Variants in PTPRN2 observed in about 807,000 individuals in gnomAD.
PTPRN2 encodes the protein protein tyrosine phosphatase receptor type N2.
PTPRN2 carries 74 observed loss-of-function variants against 118.8 expected under a neutral mutation model. The observed-to-expected ratio is 0.62, with a 90% confidence interval of 0.52 to 0.76. The LOEUF is 0.76. Ranked by LOEUF, PTPRN2 falls within the 30% of genes least tolerant of loss-of-function variation. The pLI, the probability that PTPRN2 is intolerant of heterozygous loss-of-function variation, is 0.00. For missense variants in PTPRN2, 1,481 were observed against 1,394.4 expected (o/e 1.06, Z -0.99); for synonymous variants, 641 against 608.0 (o/e 1.05, Z -0.80).
In PTPRN2 at chr7:157,766,299, A is replaced by G. The variant is rs116566194; in HGVS notation, c.1789-83362T>C. On this transcript the variant is annotated intron_variant, in intron 12 of 22. Coordinates refer to ENST00000389418, the MANE Select transcript of PTPRN2 (RefSeq NM_002847.5). The stretch of plus-strand genomic sequence containing the variant: ...CCATTCACCCACACATCCATCATCC[A>G]TTCTTCTTACATCCATCCACCCATC... 7.4e-3 allele frequency among the ~76,000 whole-genome samples: 1,093 copies of G among 147,300 alleles called. 14 individuals are homozygous for G. Among genetic ancestry groups the G allele is most frequent in the African/African-American group, 0.026 (1,041 of 39,396 alleles).
chr7:158,292,646 C>G (rs778852698), intron 3 of PTPRN2, among the ~76,000 whole-genome samples: 1 of 152,212 alleles, frequency 6.6e-6, no homozygotes, highest in Non-Finnish European at 1.5e-5. Context: ...GATGGTAAAG[C>G]CCATTGTGCC....
rs771111526 is a variant in PTPRN2, at chr7:157,764,332, G to A, written c.1789-81395C>T. Reference sequence around the variant, plus strand: ...AGCCAAGAGGTGAGGCCACCCAAGCGTCCACCAATGGAAGAAAAGATAAAC... The same window carrying A: ...AGCCAAGAGGTGAGGCCACCCAAGCATCCACCAATGGAAGAAAAGATAAAC... On this transcript the variant is annotated intron_variant, in intron 12 of 22. Coordinates refer to ENST00000389418, the MANE Select transcript of PTPRN2 (RefSeq NM_002847.5). This position sits in a 1 kb window ranked among gnomAD's most constrained non-coding sequence, Gnocchi z 4.5. 3.3e-5 allele frequency among the ~76,000 whole-genome samples: 5 copies of A among 152,198 alleles called. No individual in the cohort carries two copies. The highest frequency in any genetic ancestry group is 7.3e-5 in the Non-Finnish European group (5 of 68,042).
chr7:157,625,541 G>A (rs1335380152), intron 14 of PTPRN2, among the ~76,000 whole-genome samples: 2 of 152,130 alleles, frequency 1.3e-5, no homozygotes, highest in Admixed American at 1.3e-4. Context: ...GGATGCAGAG[G>A]CATAAGAAAG....
chr7:157,546,318 G>T (rs1194788261), intron 22 of PTPRN2, among the ~76,000 whole-genome samples: 1 of 152,162 alleles, frequency 6.6e-6, no homozygotes, highest in Non-Finnish European at 1.5e-5. Flanking sequence ...TGCAGGACGG[G>T]CAGCTTTGTT....
At chr7:158,268,210 G>A (rs769426281) in intron 3 of PTPRN2, among the ~76,000 whole-genome samples, 4 of 152,182 alleles carry the variant, frequency 2.6e-5, no homozygotes, top group Admixed American at 6.5e-5. Flanking sequence ...AGCCGCGGCC[G>A]CACGCACACA....
chr7:157,825,024 G>C (rs1456908593), intron 12 of PTPRN2, among the ~76,000 whole-genome samples: 1 of 152,196 alleles, frequency 6.6e-6, no homozygotes, highest in Non-Finnish European at 1.5e-5. Context: ...CCCATCTCAA[G>C]GCAGCTTGGC....
chr7:157,582,658 G>C (rs560559715), intron 17 of PTPRN2, among the ~76,000 whole-genome samples: 1 of 150,842 alleles, frequency 6.6e-6, no homozygotes, highest in Non-Finnish European at 1.5e-5. Flanking sequence ...GGTGGATCAC[G>C]AGGTCAGGAG....
Position 157,622,220 on chromosome 7 carries a change from C to T in PTPRN2, c.2197-711G>A, listed in dbSNP as rs1731414174. On this transcript the variant is annotated intron_variant, in intron 14 of 22. Transcript: ENST00000389418. This position sits in a 1 kb window ranked among gnomAD's most constrained non-coding sequence, Gnocchi z 5.3. ...TTTCAAAGGACCAAACCCAGCTGCA[C>T]TATGGCACCACAGGAAGTGACGGCC... Among the ~76,000 whole-genome samples, 1 of 152,036 alleles carries T rather than the reference C, an allele frequency of 6.6e-6. No individual in the cohort carries two copies. Among genetic ancestry groups the T allele is most frequent in the Non-Finnish European group, 1.5e-5 (1 of 68,022 alleles).
chr7:157,642,090 C>T (rs934871603), intron 14 of PTPRN2, among the ~76,000 whole-genome samples: 2 of 152,202 alleles, frequency 1.3e-5, no homozygotes, highest in African/African-American at 2.4e-5. Context: ...CTGCCACGCC[C>T]GACACTCCCG....
At chr7:157,993,993 C>T (rs868814388) in intron 11 of PTPRN2, among the ~76,000 whole-genome samples, 13 of 152,190 alleles carry the variant, frequency 8.5e-5, no homozygotes, top group South Asian at 2.1e-4. Context: ...TCAAAATGCA[C>T]GGCTGCAGTT....
In PTPRN2 at chr7:158,578,517, A is replaced by C. The variant is rs550090713; in HGVS notation, c.112+9041T>G. ...GCCACTGCACTCCAGTCTGGGCTACAGAGCCAGACCCTGTCTCTGTAAAAA... is the reference window on the plus strand; with the variant it reads ...GCCACTGCACTCCAGTCTGGGCTACCGAGCCAGACCCTGTCTCTGTAAAAA... On this transcript the variant is annotated intron_variant, in intron 1 of 22. Coordinates refer to ENST00000389418, the MANE Select transcript of PTPRN2 (RefSeq NM_002847.5). Among the ~76,000 whole-genome samples the C allele has an allele frequency of 2.8e-4, 36 of 128,940 alleles. No individual in the cohort carries two copies. The South Asian group carries it at 0.01, about 36-fold the overall frequency. 84.6% of individuals were successfully genotyped at this position (128,940 alleles called of 152,430 possible). A position where few individuals can be genotyped will look rare whatever the true frequency, so the allele number is the denominator to read the frequency against.
intron 12 of PTPRN2, among the ~76,000 whole-genome samples, chr7:157,791,463 A>G (rs1364024439): frequency 1.3e-5 from 2 of 152,148 alleles, no homozygotes; most frequent in African/African-American, 4.8e-5. Context: ...AGGCGGATGC[A>G]TGTATGTGCC....
At chr7:158,158,024 C>G (rs1821990805) in intron 6 of PTPRN2, among the ~76,000 whole-genome samples, 1 of 151,954 alleles carries the variant, frequency 6.6e-6, no homozygotes, top group Non-Finnish European at 1.5e-5. Context: ...GAGGCGGCCT[C>G]TGTGTGCCAG....
chr7:157,939,622 G>T (rs969515033), intron 11 of PTPRN2, among the ~76,000 whole-genome samples: 1 of 152,244 alleles, frequency 6.6e-6, no homozygotes, highest in Non-Finnish European at 1.5e-5. Flanking sequence ...AGGCCCTGAG[G>T]CCTCAACCCC....
chr7:157,870,219 G>A (rs1810969016), intron 12 of PTPRN2, among the ~76,000 whole-genome samples: 1 of 152,166 alleles, frequency 6.6e-6, no homozygotes, highest in Admixed American at 6.5e-5. Context: ...AACCAGCCGA[G>A]ATGTCTATGG....
At chr7:157,621,556 A>C (rs765185732) in intron 14 of PTPRN2, 47 bp from the exon 15 acceptor site, 9 of 1,599,842 alleles carry the variant, frequency 5.6e-6, no homozygotes, top group Non-Finnish European at 4.3e-6. Flanking sequence ...TGGTGAGCCC[A>C]GACCGGCAGA....
chr7:158,121,783 G>A (rs910798468), intron 9 of PTPRN2, among the ~76,000 whole-genome samples: 26 of 152,190 alleles, frequency 1.7e-4, no homozygotes, highest in African/African-American at 4.3e-4. Context: ...CAAAGTGTAC[G>A]GGACGTGCAG....
At chr7:157,558,159 C>T (rs1175958178) in intron 21 of PTPRN2, among the ~76,000 whole-genome samples, 4 of 151,686 alleles carry the variant, frequency 2.6e-5, no homozygotes, top group East Asian at 3.9e-4. Flanking sequence ...TGTGTGAACA[C>T]GTGCACATTG....
intron 5 of PTPRN2, among the ~76,000 whole-genome samples, chr7:158,185,068 C>T (rs1345285396): frequency 6.6e-6 from 1 of 152,082 alleles, no homozygotes; most frequent in Non-Finnish European, 1.5e-5. Flanking sequence ...TTCGATATAC[C>T]CTGCATATCT....
Sources: gnomAD v4.1 joint callset for allele counts (sites outside exome capture counted in the v4.1 genomes callset) on GRCh38, gnomAD v4.1.1 for gene constraint, Gnocchi (gnomAD v3.1) non-coding constraint, MANE v1.5 for transcripts, NCBI Gene and HGNC (gene_info 2026-07-23, HGNC 2026-07-21) for gene names.